The following DGKG variants were observed in gnomAD, a reference collection of about 807,000 sequenced individuals.
DGKG encodes DAG kinase gamma.
Under a neutral mutation model 105.3 loss-of-function variants are expected in DGKG, and 78 were observed. The ratio of observed to expected loss-of-function variants is 0.74; its 90% confidence interval spans 0.62 to 0.89. DGKG has a LOEUF of 0.89. DGKG is among the 40% of genes least tolerant of loss of function. The probability of loss-of-function intolerance (pLI) is 0.00; values close to 1 mark genes in which losing one functional copy is unlikely to be tolerated. For synonymous variants in DGKG, 346 were observed against 367.1 expected, an observed-to-expected ratio of 0.94 and a Z score of 0.66; for missense variants, 958 against 1,020.1, an observed-to-expected ratio of 0.94 and a Z score of 0.83.
At chr3:186,167,852 A>T (rs1578613458) in intron 22 of DGKG, among the ~76,000 whole-genome samples, 1 of 152,224 alleles carries the variant, frequency 6.6e-6, no homozygotes, top group African/African-American at 2.4e-5. Flanking sequence ...GTCTTGTAAG[A>T]GTTGGGATGC....
intron 13 of DGKG, among the ~76,000 whole-genome samples, chr3:186,267,266 G>T (rs115077822): frequency 6.6e-6 from 1 of 152,196 alleles, no homozygotes; most frequent in Admixed American, 6.5e-5. Flanking sequence ...TAGAACAAAT[G>T]TGCTTTCCTT....
intron 20 of DGKG, among the ~76,000 whole-genome samples, chr3:186,221,045 C>T (rs1049196261): frequency 2.6e-5 from 4 of 152,158 alleles, no homozygotes; most frequent in African/African-American, 4.8e-5. Context: ...ACACACAGGC[C>T]GCAACAAGAA....
Position 186,313,450 on chromosome 3 carries a change from T to A in DGKG, c.68-6473A>T, listed in dbSNP as rs76708718. On this transcript the variant is annotated intron_variant, in intron 2 of 24. Coordinates refer to ENST00000265022, the MANE Select transcript of DGKG (RefSeq NM_001346.3). ...ATGACTTATTTGTGTAAGTAAAATTTGTATTGCTAGAACATTTTCTCACCT... is the reference window on the plus strand; with the variant it reads ...ATGACTTATTTGTGTAAGTAAAATTAGTATTGCTAGAACATTTTCTCACCT... The A allele has an allele frequency of 2.4e-3, 2,332 of 962,338 alleles. 45 individuals are homozygous for A. The African/African-American group carries it at 0.037, about 15-fold the overall frequency. The allele number at this position is 962,338 out of a possible 1,614,324, so 59.6% of individuals were successfully genotyped here. A position where few individuals can be genotyped will look rare whatever the true frequency, so the allele number is the denominator to read the frequency against.
intron 24 of DGKG, 75 bp from the exon 25 acceptor site, chr3:186,150,263 A>G (rs1348582619): frequency 6.6e-7 from 1 of 1,521,666 alleles, no homozygotes; most frequent in Non-Finnish European, 8.8e-7. Context: ...GTCGCAGAGA[A>G]AGGAAAGGCC....
In DGKG at chr3:186,304,524, T is replaced by A. The variant is rs560585519; in HGVS notation, c.144+2377A>T. Reference sequence around the variant, plus strand: ...ATGGATGACAACGTGAATAAGAAAGTGGCCAGTCTCTCCCTAAGTGAATCC... The same window carrying A: ...ATGGATGACAACGTGAATAAGAAAGAGGCCAGTCTCTCCCTAAGTGAATCC... On this transcript the variant is annotated intron_variant, in intron 3 of 24. Coordinates refer to ENST00000265022, the MANE Select transcript of DGKG (RefSeq NM_001346.3). Among the ~76,000 whole-genome samples the A allele has an allele frequency of 2.0e-5, 3 of 152,290 alleles. No individual in the cohort carries two copies. The East Asian group carries it at 5.8e-4, about 29-fold the overall frequency.
At chr3:186,212,482 A>T (rs1719081633) in intron 20 of DGKG, among the ~76,000 whole-genome samples, 1 of 151,744 alleles carries the variant, frequency 6.6e-6, no homozygotes, top group Non-Finnish European at 1.5e-5. Context: ...AGCAATAATC[A>T]CCTCCCCTCT....
chr3:186,333,761 A>G (rs1301231124), intron 1 of DGKG, among the ~76,000 whole-genome samples: 1 of 152,222 alleles, frequency 6.6e-6, no homozygotes, highest in African/African-American at 2.4e-5. Context: ...GAGACATTGC[A>G]GAGCCCTGGG....
At position 186,313,389 on chromosome 3, in the gene DGKG, AC is replaced by A. The variant is rs1375199103; in HGVS notation, c.68-6413del. 3 of 627,378 alleles carry A rather than the reference AC, an allele frequency of 4.8e-6. No individual in the cohort carries two copies. The African/African-American group carries it at 6.0e-5, about 13-fold the overall frequency. 38.9% of individuals were successfully genotyped at this position (627,378 alleles called of 1,614,324 possible). A position where few individuals can be genotyped will look rare whatever the true frequency, so the allele number is the denominator to read the frequency against. ...ATAGCAATAAAACGTTTTTTAAGAC[AC>A]AATTTTTTTGTCATAAATGATCTGA... On this transcript the variant is annotated intron_variant, in intron 2 of 24. Transcript: ENST00000265022.
intron 22 of DGKG, among the ~76,000 whole-genome samples, chr3:186,187,301 G>A (rs973713311): frequency 6.6e-6 from 1 of 152,212 alleles, no homozygotes; most frequent in Non-Finnish European, 1.5e-5. Context: ...GAATGCAGGT[G>A]GTGAGACGTG....
intron 20 of DGKG, among the ~76,000 whole-genome samples, chr3:186,227,331 G>C (rs1450010053): frequency 1.3e-5 from 2 of 152,174 alleles, no homozygotes; most frequent in African/African-American, 4.8e-5. Context: ...CAGGCACCTT[G>C]TCAGGCAGTT....
At chr3:186,183,028 C>G (rs1376555869) in intron 22 of DGKG, among the ~76,000 whole-genome samples, 2 of 152,272 alleles carry the variant, frequency 1.3e-5, no homozygotes, top group Non-Finnish European at 2.9e-5. Context: ...AGGCTGGGCT[C>G]GCTTCCAGCA....
At chr3:186,353,445 G>A (rs984389336) in intron 1 of DGKG, among the ~76,000 whole-genome samples, 1 of 151,644 alleles carries the variant, frequency 6.6e-6, no homozygotes, top group African/African-American at 2.4e-5. Flanking sequence ...CTTGAACCTG[G>A]GACGCAGAGG....
intron 22 of DGKG, among the ~76,000 whole-genome samples, chr3:186,177,656 C>T (rs9830802): frequency 0.66 from 99,873 of 152,048 alleles, 33,811 homozygotes; most frequent in East Asian, 0.93. Context: ...TCCTCCTCTG[C>T]AGACTTGGAG....
intron 7 of DGKG, among the ~76,000 whole-genome samples, chr3:186,281,522 C>G (rs546730914): frequency 1.3e-5 from 2 of 152,174 alleles, no homozygotes; most frequent in African/African-American, 2.4e-5. Context: ...TTTGGGAGGA[C>G]ATGTTGGTAG....
intron 13 of DGKG, among the ~76,000 whole-genome samples, chr3:186,265,961 C>A (rs543802829): frequency 6.6e-6 from 1 of 152,070 alleles, no homozygotes; most frequent in Non-Finnish European, 1.5e-5. Context: ...TAAGCCACTG[C>A]GCCTGGCCGT....
intron 2 of DGKG, among the ~76,000 whole-genome samples, chr3:186,313,718 A>G (rs1724668566): frequency 6.6e-6 from 1 of 152,238 alleles, no homozygotes; most frequent in Non-Finnish European, 1.5e-5. Flanking sequence ...CTATTGTTCC[A>G]TAGAAATTCC....
intron 9 of DGKG, among the ~76,000 whole-genome samples, chr3:186,276,743 A>G (rs1190284266): frequency 6.6e-6 from 1 of 152,226 alleles, no homozygotes; most frequent in Non-Finnish European, 1.5e-5. Context: ...GCTATCCCTG[A>G]ACTTTTCTCA....
At chr3:186,154,644 C>CAAAAA (rs60767699) in intron 24 of DGKG, among the ~76,000 whole-genome samples, 61 of 34,678 alleles carry the variant, frequency 1.8e-3, no homozygotes, top group Non-Finnish European at 2.0e-3. Flanking sequence ...GACTCTGTCT[C>CAAAAA]AAAAAAAAAA....
At chr3:186,235,556 C>T (rs1325061460) in intron 20 of DGKG, among the ~76,000 whole-genome samples, 3 of 152,034 alleles carry the variant, frequency 2.0e-5, no homozygotes, top group Middle Eastern at 3.2e-3. Context: ...CCTCACAGGG[C>T]GCCAGGAAAG....
Sources: gnomAD v4.1 joint callset for allele counts (sites outside exome capture counted in the v4.1 genomes callset) on GRCh38, gnomAD v4.1.1 for gene constraint, MANE v1.5 for transcripts, NCBI Gene and HGNC (gene_info 2026-07-23, HGNC 2026-07-21) for gene names.